Variants in MAP3K21 observed in about 807,000 individuals in gnomAD.
MAP3K21 encodes mitogen-activated protein kinase kinase kinase MLK4.
In MAP3K21, 63 loss-of-function variants were observed where a neutral mutation model predicts 86.1. That is an observed-to-expected ratio of 0.73 (90% CI 0.60 to 0.90). The LOEUF (loss-of-function observed/expected upper bound fraction) is 0.90, where lower values mean the gene tolerates loss of function less well. Ranked by LOEUF, MAP3K21 falls within the 40% of genes least tolerant of loss-of-function variation. The pLI is 0.00. For synonymous variants in MAP3K21, 558 were observed against 564.8 expected, an observed-to-expected ratio of 0.99 and a Z score of 0.17; for missense variants, 1,220 against 1,367.7, an observed-to-expected ratio of 0.89 and a Z score of 1.70.
At chr1:233,355,483 A>C (rs1391294016) in intron 4 of MAP3K21, among the ~76,000 whole-genome samples, 1 of 152,306 alleles carries the variant, frequency 6.6e-6, no homozygotes, top group African/African-American at 2.4e-5. Flanking sequence ...TTTTCTTACT[A>C]CATGCTGGGA....
At chr1:233,370,442 T>C (rs1392829992) in intron 5 of MAP3K21, among the ~76,000 whole-genome samples, 1 of 152,202 alleles carries the variant, frequency 6.6e-6, no homozygotes, top group Non-Finnish European at 1.5e-5. Context: ...AGAATTTACC[T>C]GATATTTTGT....
chr1:233,329,511 C>T (rs954014744), intron 1 of MAP3K21, among the ~76,000 whole-genome samples: 3 of 151,980 alleles, frequency 2.0e-5, no homozygotes, highest in Admixed American at 6.5e-5. Context: ...AAAATTAGCC[C>T]GGCGTAGTGG....
Position 233,379,790 on chromosome 1 carries a change from A to G in MAP3K21, c.2704+80A>G, listed in dbSNP as rs115225779. 3.7e-3 allele frequency: 4,075 copies of G among 1,091,876 alleles called. 107 individuals are homozygous for G. In the African/African-American group the frequency reaches 0.056, roughly 15 times the overall value. 67.6% of individuals were successfully genotyped at this position (1,091,876 alleles called of 1,614,324 possible). ...TGAAACAGTATGGATTTATGATTTT[A>G]TCTTTTCCTGGTGATGACATTTAAT... On this transcript the variant is annotated intron_variant, in intron 9 of 9. Transcript: ENST00000366624.
At chr1:233,337,694 A>G (rs1487691300) in intron 1 of MAP3K21, among the ~76,000 whole-genome samples, 1 of 152,166 alleles carries the variant, frequency 6.6e-6, no homozygotes, top group African/African-American at 2.4e-5. Flanking sequence ...AGGTGTGCTG[A>G]GATCTGTACA....
In MAP3K21 at chr1:233,384,279, G is replaced by T. The variant is rs1039492237; in HGVS notation, c.*1568G>T. 1 of 152,112 alleles carries T rather than the reference G, an allele frequency of 6.6e-6. No individual in the cohort carries two copies. The highest frequency in any genetic ancestry group is 1.5e-5 in the Non-Finnish European group (1 of 68,010). 9.4% of individuals were successfully genotyped at this position (152,112 alleles called of 1,614,324 possible). On this transcript the variant is annotated 3_prime_UTR_variant, in exon 10 of 10. Coordinates refer to ENST00000366624, the MANE Select transcript of MAP3K21 (RefSeq NM_032435.3). ...TTATTTGGCAATTTTGCAGCATTGT[G>T]GTTGCCTAACAGGTATATCCAGCAG... is the stretch of plus-strand genomic sequence containing the variant.
At chr1:233,368,071 A>C (rs1211708517) in intron 5 of MAP3K21, among the ~76,000 whole-genome samples, 1 of 152,022 alleles carries the variant, frequency 6.6e-6, no homozygotes, top group Admixed American at 6.5e-5. Context: ...TTGTCCCATC[A>C]TTTGTTCCAA....
intron 6 of MAP3K21, among the ~76,000 whole-genome samples, chr1:233,374,959 T>A (rs1240758783): frequency 6.6e-6 from 1 of 151,464 alleles, no homozygotes; most frequent in African/African-American, 2.4e-5. Flanking sequence ...TTTTTTTTGT[T>A]GAAACGGAGT....
chr1:233,373,348 C>T (rs1407024690), intron 6 of MAP3K21: 1 of 152,332 alleles, frequency 6.6e-6, no homozygotes, highest in Non-Finnish European at 1.5e-5. Flanking sequence ...CCTGTGTCTT[C>T]ACCTTCTGCT....
At chr1:233,333,008 T>TACAAC (rs1662839903) in intron 1 of MAP3K21, among the ~76,000 whole-genome samples, 1 of 95,136 alleles carries the variant, frequency 1.1e-5, no homozygotes, top group Non-Finnish European at 2.3e-5. Flanking sequence ...ACAACTACAA[T>TACAAC]AGTTGTATTT....
intron 2 of MAP3K21, among the ~76,000 whole-genome samples, chr1:233,352,949 TC>T (rs1235970910): frequency 6.6e-6 from 1 of 152,256 alleles, no homozygotes; most frequent in Non-Finnish European, 1.5e-5. Flanking sequence ...CGTGCCTATG[TC>T]CCTGTGTACT....
At chr1:233,345,174 C>A (rs972205503) in intron 1 of MAP3K21, among the ~76,000 whole-genome samples, 1 of 152,086 alleles carries the variant, frequency 6.6e-6, no homozygotes, top group African/African-American at 2.4e-5. Context: ...GACAGTGTGG[C>A]GATTCCTCAA....
chr1:233,346,310 A>C, intron 1 of MAP3K21, 132 bp from the exon 2 acceptor site: 1 of 679,384 alleles, frequency 1.5e-6, no homozygotes, highest in Non-Finnish European at 2.4e-6. Flanking sequence ...CTGTAAGTAA[A>C]ATGGTAAAAT....
chr1:233,344,428 A>T lies in MAP3K21; in HGVS notation c.806-2014A>T, dbSNP rs555741862. On this transcript the variant is annotated intron_variant, in intron 1 of 9. Coordinates refer to ENST00000366624, the MANE Select transcript of MAP3K21 (RefSeq NM_032435.3). ...ACAGAGGCCTCAGAAATAACACCAC[A>T]CATCTACAACCATCTGATCTTTGAC... Among the ~76,000 whole-genome samples the T allele has an allele frequency of 5.3e-5, 8 of 152,316 alleles. No individual in the cohort carries two copies. In the South Asian group the frequency reaches 1.4e-3, roughly 28 times the overall value.
In MAP3K21 at chr1:233,328,218, C is replaced by A. The variant is rs1403881923; in HGVS notation, c.190C>A (p.Leu64Met). ...EDELSLRRGQ[L>M]VEVLSQDAAV... ...CGAGCTGAGCCTGCGGCGCGGCCAG[C>A]TGGTGGAGGTGCTGTCGCAGGACGC... The change falls in exon 1 of 10, where the codon CTG becomes ATG. Residue 64 changes from leucine to methionine, a missense_variant. Transcript: ENST00000366624. This position sits in a 1 kb window ranked among gnomAD's most constrained non-coding sequence, Gnocchi z 8.7. The A allele has an allele frequency of 1.3e-5, 20 of 1,489,238 alleles. No individual in the cohort carries two copies. Among genetic ancestry groups the A allele is most frequent in the Admixed American group, 2.2e-5 (1 of 44,594 alleles). 92.3% of individuals were successfully genotyped at this position (1,489,238 alleles called of 1,614,324 possible).
rs1031213790 is a variant in MAP3K21 at position 233,359,157 on chromosome 1, G to A, written c.1312-2896G>A. On this transcript the variant is annotated intron_variant, in intron 4 of 9. Transcript: ENST00000366624. ...TTATTGACAACTATTTATAAAACTGGAAGATATAGGCATCTCTAGTGAGTT... is the reference window on the plus strand; with the variant it reads ...TTATTGACAACTATTTATAAAACTGAAAGATATAGGCATCTCTAGTGAGTT... Among the ~76,000 whole-genome samples the A allele has an allele frequency of 5.2e-4, 79 of 152,124 alleles. 1 individual carries two copies. Among genetic ancestry groups the A allele is most frequent in the African/African-American group, 1.9e-3 (77 of 41,430 alleles).
intron 5 of MAP3K21, 67 bp downstream of exon 5, chr1:233,362,360 T>A: frequency 6.4e-7 from 1 of 1,552,380 alleles, no homozygotes; most frequent in Non-Finnish European, 8.8e-7. Context: ...TTTTCTTTGT[T>A]CATCAGAACC....
At chr1:233,354,633 C>G (rs1663313922) in intron 3 of MAP3K21, among the ~76,000 whole-genome samples, 1 of 152,182 alleles carries the variant, frequency 6.6e-6, no homozygotes. Context: ...TTATGCATGC[C>G]TGTGACATGG....
chr1:233,371,169 CA>C (rs1450324675), intron 5 of MAP3K21, among the ~76,000 whole-genome samples: 1 of 152,160 alleles, frequency 6.6e-6, no homozygotes, highest in Admixed American at 6.5e-5. Context: ...GCCTAGAGCA[CA>C]AAATGCTTTT....
chr1:233,345,526 G>C (rs923254381), intron 1 of MAP3K21, among the ~76,000 whole-genome samples: 6 of 149,758 alleles, frequency 4.0e-5, no homozygotes, highest in Admixed American at 1.3e-4. Context: ...GGTGGGAATT[G>C]AACAATGAGA....
Sources: gnomAD v4.1 joint callset for allele counts (sites outside exome capture counted in the v4.1 genomes callset) on GRCh38, gnomAD v4.1.1 for gene constraint, Gnocchi (gnomAD v3.1) non-coding constraint, MANE v1.5 for transcripts, NCBI Gene and HGNC (gene_info 2026-07-23, HGNC 2026-07-21) for gene names.